The following UBE2H variants were observed in gnomAD, a reference collection of about 807,000 sequenced individuals.
UBE2H encodes ubiquitin conjugating enzyme E2 H.
Under a neutral mutation model 29.0 loss-of-function variants are expected in UBE2H, and 3 were observed. That is an observed-to-expected ratio of 0.10 (90% confidence interval 0.05 to 0.27). The LOEUF (loss-of-function observed/expected upper bound fraction) is 0.27. Among genes scored for constraint, UBE2H ranks in the 10% least tolerant of loss-of-function variants. The pLI, the probability that UBE2H is intolerant of heterozygous loss-of-function variation, is 1.00. For missense variants in UBE2H, 68 were observed against 228.2 expected (o/e 0.30, Z 4.52); for synonymous variants, 69 against 82.9 (o/e 0.83, Z 0.91).
intron 5 of UBE2H, among the ~76,000 whole-genome samples, chr7:129,840,848 C>T (rs1191589855): frequency 6.6e-6 from 1 of 152,198 alleles, no homozygotes; most frequent in Admixed American, 6.5e-5. Context: ...AATGGGCGCT[C>T]CTTTGCAGTA....
intron 1 of UBE2H, among the ~76,000 whole-genome samples, chr7:129,884,846 G>A (rs1175148995): frequency 1.3e-5 from 2 of 152,122 alleles, no homozygotes; most frequent in African/African-American, 4.8e-5. Flanking sequence ...GCTTCCCAGA[G>A]TGCTGGGATT....
At chr7:129,878,744 C>A (rs1172303513) in intron 3 of UBE2H, among the ~76,000 whole-genome samples, 4 of 146,362 alleles carry the variant, frequency 2.7e-5, no homozygotes, top group Non-Finnish European at 4.5e-5. Context: ...TCTGGCAATT[C>A]TGAACATGAG....
intron 5 of UBE2H, among the ~76,000 whole-genome samples, chr7:129,846,568 C>A (rs1431222766): frequency 1.7e-4 from 2 of 11,800 alleles, no homozygotes; most frequent in African/African-American, 2.2e-4. Context: ...TACCACCCCC[C>A]ACTCAAAAAA....
At chr7:129,863,421 C>T (rs778630120) in intron 3 of UBE2H, among the ~76,000 whole-genome samples, 11 of 152,142 alleles carry the variant, frequency 7.2e-5, no homozygotes, top group Non-Finnish European at 1.3e-4. Context: ...TCTTTACCTA[C>T]GAAGACAAAT....
chr7:129,936,767 G>C (rs1807537408), intron 1 of UBE2H, among the ~76,000 whole-genome samples: 1 of 137,728 alleles, frequency 7.3e-6, no homozygotes, highest in Non-Finnish European at 1.5e-5. Context: ...GACCAGCCTA[G>C]AGCCTGGCCA....
At chr7:129,851,892 A>T (rs1805616835) in intron 5 of UBE2H, among the ~76,000 whole-genome samples, 1 of 152,224 alleles carries the variant, frequency 6.6e-6, no homozygotes, top group Non-Finnish European at 1.5e-5. Flanking sequence ...TTACGGAGCT[A>T]GCTAAGCACT....
At chr7:129,854,270 C>A (rs1805666588) in intron 5 of UBE2H, among the ~76,000 whole-genome samples, 1 of 152,108 alleles carries the variant, frequency 6.6e-6, no homozygotes, top group Admixed American at 6.5e-5. Context: ...ACTTCAAGGT[C>A]ATCTGAACGA....
At chr7:129,892,161 G>A (rs1176153531) in intron 1 of UBE2H, among the ~76,000 whole-genome samples, 1 of 151,988 alleles carries the variant, frequency 6.6e-6, no homozygotes, top group Non-Finnish European at 1.5e-5. Context: ...ACCGTAGCCA[G>A]GATGGTCTCA....
intron 3 of UBE2H, among the ~76,000 whole-genome samples, chr7:129,873,997 C>T (rs745664230): frequency 7.9e-5 from 12 of 152,238 alleles, no homozygotes; most frequent in Admixed American, 1.3e-4. Flanking sequence ...TTACCTGTAC[C>T]TTATAACACA....
intron 1 of UBE2H, among the ~76,000 whole-genome samples, chr7:129,922,901 T>C (rs1459397231): frequency 6.6e-6 from 1 of 151,866 alleles, no homozygotes; most frequent in Non-Finnish European, 1.5e-5. Flanking sequence ...CTGAGATTTT[T>C]CTTTTTTTTC....
chr7:129,840,421 CAA>C (rs1306738794), intron 5 of UBE2H, among the ~76,000 whole-genome samples: 6 of 152,042 alleles, frequency 3.9e-5, no homozygotes, highest in Non-Finnish European at 5.9e-5. Context: ...CTCCTGGACT[CAA>C]GAGATCCTTC....
At chr7:129,860,714 G>T (rs943369456) in intron 3 of UBE2H, among the ~76,000 whole-genome samples, 16 of 142,444 alleles carry the variant, frequency 1.1e-4, no homozygotes, top group Middle Eastern at 3.5e-3. Flanking sequence ...GCTGAGTTTT[G>T]TTTTTTTTTT....
chr7:129,932,976 TAA>T (rs939515769), intron 1 of UBE2H, among the ~76,000 whole-genome samples: 3 of 152,050 alleles, frequency 2.0e-5, no homozygotes, highest in African/African-American at 7.2e-5. Flanking sequence ...ACCAAAAACC[TAA>T]AGAGTAAAAT....
intron 3 of UBE2H, among the ~76,000 whole-genome samples, chr7:129,866,358 A>G (rs1238870687): frequency 6.6e-6 from 1 of 152,220 alleles, no homozygotes; most frequent in Non-Finnish European, 1.5e-5. Context: ...TCAATAGCAT[A>G]ACCCTTCTAC....
intron 5 of UBE2H, among the ~76,000 whole-genome samples, chr7:129,848,427 T>C (rs1805549772): frequency 6.6e-6 from 1 of 152,210 alleles, no homozygotes; most frequent in South Asian, 2.1e-4. Flanking sequence ...TTATCTGTTC[T>C]GTAATTCAAT....
intron 1 of UBE2H, among the ~76,000 whole-genome samples, chr7:129,892,862 A>G (rs1806525476): frequency 6.6e-6 from 1 of 152,136 alleles, no homozygotes; most frequent in Admixed American, 6.6e-5. Context: ...AAAAAAGGGT[A>G]AATATGTCCT....
At chr7:129,941,316 A>C (rs1452612458) in intron 1 of UBE2H, among the ~76,000 whole-genome samples, 1 of 151,882 alleles carries the variant, frequency 6.6e-6, no homozygotes, top group Admixed American at 6.6e-5. Context: ...ATTTTAGTAG[A>C]GACAGGGTTT....
intron 1 of UBE2H, among the ~76,000 whole-genome samples, chr7:129,918,901 G>A (rs1302340909): frequency 6.6e-6 from 1 of 151,944 alleles, no homozygotes; most frequent in Non-Finnish European, 1.5e-5. Context: ...TGGGCAACAT[G>A]GTGAAACCCC....
intron 1 of UBE2H, among the ~76,000 whole-genome samples, chr7:129,882,393 TTAA>T: frequency 6.6e-6 from 1 of 152,352 alleles, no homozygotes; most frequent in South Asian, 2.1e-4. Context: ...TTAAAAAGTT[TTAA>T]TAATCTCATA....
Sources: allele counts gnomAD v4.1 joint callset (sites outside exome capture counted in the v4.1 genomes callset), GRCh38; gene constraint gnomAD v4.1.1; transcripts MANE v1.5; gene names NCBI Gene and HGNC (gene_info 2026-07-23, HGNC 2026-07-21).